ATXN8OS: variants seen among roughly 807,000 people sequenced by gnomAD.
The protein encoded by ATXN8OS is ATXN8 opposite strand lncRNA, also known as ATXN8 opposite strand (non-protein coding).
At chr13:70,117,112 A>G (rs1182920579) in intron 2 of ATXN8OS, among the ~76,000 whole-genome samples, 1 of 152,112 alleles carries the variant, frequency 6.6e-6, no homozygotes, top group Non-Finnish European at 1.5e-5. Flanking sequence ...AATATGTTTT[A>G]TACCTAATTT....
intron 2 of ATXN8OS, among the ~76,000 whole-genome samples, chr13:70,119,836 T>C (rs776527955): frequency 3.9e-4 from 59 of 152,072 alleles, no homozygotes; most frequent in Non-Finnish European, 6.6e-4. Context: ...AGTCAGTGAT[T>C]ATGAAACATG....
chr13:70,112,516 T>C (rs1888211265), intron 1 of ATXN8OS, among the ~76,000 whole-genome samples: 1 of 152,068 alleles, frequency 6.6e-6, no homozygotes, highest in African/African-American at 2.4e-5. Context: ...ACATAACCAT[T>C]CATGGTCTAT....
intron 2 of ATXN8OS, among the ~76,000 whole-genome samples, chr13:70,126,702 G>T (rs1314449661): frequency 6.6e-6 from 1 of 151,316 alleles, no homozygotes; most frequent in Non-Finnish European, 1.5e-5. Flanking sequence ...TTACAGTTTA[G>T]ATAGATATGT....
At chr13:70,146,429 G>A (rs1434625715) in intron 3 of ATXN8OS, among the ~76,000 whole-genome samples, 4 of 151,846 alleles carry the variant, frequency 2.6e-5, no homozygotes, top group African/African-American at 9.7e-5. Flanking sequence ...TACCCAAAGG[G>A]CTATAAATCA....
chr13:70,132,070 A>G (rs572967077), intron 3 of ATXN8OS, among the ~76,000 whole-genome samples: 1 of 152,294 alleles, frequency 6.6e-6, no homozygotes, highest in African/African-American at 2.4e-5. Flanking sequence ...AGATATTTAA[A>G]TAGCATTCAT....
chr13:70,152,897 T>C (rs1268109904), intron 4 of ATXN8OS, among the ~76,000 whole-genome samples: 1 of 151,738 alleles, frequency 6.6e-6, no homozygotes, highest in African/African-American at 2.4e-5. Context: ...ACTAAGCACA[T>C]GCAAACAAAG....
chr13:70,168,504 C>G (rs900974073), intron 4 of ATXN8OS, among the ~76,000 whole-genome samples: 1 of 151,768 alleles, frequency 6.6e-6, no homozygotes, highest in East Asian at 1.9e-4. Flanking sequence ...ACCAACTTCT[C>G]TTTATCCCCT....
rs76967896 is a variant in ATXN8OS, at chr13:70,115,497, A to G, written n.398+199A>G. Among the ~76,000 whole-genome samples the G allele has an allele frequency of 2.8e-3, 427 of 152,264 alleles. 11 individuals are homozygous for G. The highest frequency in any genetic ancestry group is 0.022 in the Admixed American group (329 of 15,278). ...TATGTATGTTTGTGTATTTGTGTAG[A>G]TACATGGGTGGCTATATCTCTATAG... is the stretch of plus-strand genomic sequence containing the variant. On this transcript the variant is annotated intron_variant and non_coding_transcript_variant, in intron 2 of 4. Coordinates refer to ENST00000678624, the Ensembl canonical transcript of ATXN8OS.
chr13:70,122,398 T>G (rs1414654606), intron 2 of ATXN8OS, among the ~76,000 whole-genome samples: 4 of 151,970 alleles, frequency 2.6e-5, no homozygotes. Flanking sequence ...AACTTGAGAG[T>G]TATACAGCTC....
At chr13:70,131,713 C>A (rs563952839) in intron 3 of ATXN8OS, among the ~76,000 whole-genome samples, 122 of 152,190 alleles carry the variant, frequency 8.0e-4, no homozygotes, top group Non-Finnish European at 1.7e-3. Context: ...TACTTTCATA[C>A]CTCCCTCTGT....
chr13:70,144,262 A>G (rs1166555166), intron 3 of ATXN8OS, among the ~76,000 whole-genome samples: 1 of 152,160 alleles, frequency 6.6e-6, no homozygotes, highest in Non-Finnish European at 1.5e-5. Context: ...TACATTTCGC[A>G]TAAATACTTC....
At chr13:70,107,504 T>C, upstream of ATXN8OS, 1 of 1,611,336 alleles carries the variant, frequency 6.2e-7, no homozygotes, top group East Asian at 2.2e-5. Context: ...CAGAAAGTGC[T>C]CACACCGCTT....
chr13:70,133,399 G>GA (rs749235844), intron 3 of ATXN8OS, among the ~76,000 whole-genome samples: 4 of 151,928 alleles, frequency 2.6e-5, no homozygotes, highest in Non-Finnish European at 4.4e-5. Context: ...GTGAAACAGT[G>GA]AAAAAAATAG....
intron 2 of ATXN8OS, among the ~76,000 whole-genome samples, chr13:70,119,463 T>G (rs943596448): frequency 6.6e-6 from 1 of 152,150 alleles, no homozygotes; most frequent in African/African-American, 2.4e-5. Flanking sequence ...TGCTCTGGGT[T>G]GTGATCTCTA....
chr13:70,125,267 T>A (rs1888415964), intron 2 of ATXN8OS, among the ~76,000 whole-genome samples: 3 of 152,178 alleles, frequency 2.0e-5, no homozygotes, highest in African/African-American at 7.2e-5. Flanking sequence ...TTTATTTTCT[T>A]TTTATGGACA....
intron 2 of ATXN8OS, among the ~76,000 whole-genome samples, chr13:70,123,374 T>C (rs1888388223): frequency 6.6e-6 from 1 of 152,126 alleles, no homozygotes; most frequent in Non-Finnish European, 1.5e-5. Flanking sequence ...TTGGCCATCA[T>C]CTCTAGTCAC....
At chr13:70,139,380 ACTACTGCTGCTGCTGCTG>A (rs1304476905) in intron 3 of ATXN8OS, 376 of 576,690 alleles carry the variant, frequency 6.5e-4, no homozygotes, top group African/African-American at 5.3e-3. Context: ...TACTACTACT[ACTACTGCTGCTGCTGCTG>A]CTGCTGCTGC....
intron 3 of ATXN8OS, among the ~76,000 whole-genome samples, chr13:70,141,163 A>T (rs956213832): frequency 6.6e-6 from 1 of 152,188 alleles, no homozygotes; most frequent in Non-Finnish European, 1.5e-5. Context: ...TGAATGGGAA[A>T]AAGTTGATCC....
chr13:70,112,340 A>G (rs1048471548), intron 1 of ATXN8OS, among the ~76,000 whole-genome samples: 7 of 152,182 alleles, frequency 4.6e-5, no homozygotes, highest in Non-Finnish European at 8.8e-5. Flanking sequence ...TTAAAATTAG[A>G]GAATACCATT....
Sources: allele counts gnomAD v4.1 joint callset (sites outside exome capture counted in the v4.1 genomes callset), GRCh38; gene constraint gnomAD v4.1.1; transcripts MANE v1.5; gene names NCBI Gene and HGNC (gene_info 2026-07-23, HGNC 2026-07-21).